MTPAP: variants seen among roughly 807,000 people sequenced by gnomAD.
MTPAP encodes the protein poly(A) RNA polymerase, mitochondrial.
Under a neutral mutation model 48.7 loss-of-function variants are expected in MTPAP, and 23 were observed. The ratio of observed to expected loss-of-function variants is 0.47; its 90% confidence interval spans 0.34 to 0.67. The LOEUF (loss-of-function observed/expected upper bound fraction) is 0.67. Among genes scored for constraint, MTPAP ranks in the 30% least tolerant of loss-of-function variants. MTPAP has a pLI of 0.01. For missense variants in MTPAP, 614 were observed against 694.3 expected (o/e 0.88, Z 1.30); for synonymous variants, 257 against 254.1 (o/e 1.01, Z -0.11).
At chr10:30,320,545 AT>A (rs1840711422) in intron 6 of MTPAP, among the ~76,000 whole-genome samples, 1 of 152,070 alleles carries the variant, frequency 6.6e-6, no homozygotes. Context: ...AATAAATAAA[AT>A]TTTTAAAAAA....
Position 30,340,392 on chromosome 10 carries a change from C to T in MTPAP, c.389G>A (p.Gly130Glu). 1 of 1,614,076 alleles carries T rather than the reference C, an allele frequency of 6.2e-7. No homozygotes were observed. Among genetic ancestry groups the T allele is most frequent in the South Asian group, 1.1e-5 (1 of 91,078 alleles). ...CATGGCCGTGCTTGGAGTATGAGTC[C>T]CATTCTGCAGTGAACCTATGCTTTC... ...QKESIGSLQNGTHTPSTAMET... is the reference protein window; with the variant it reads ...QKESIGSLQNETHTPSTAMET... Residue 130 changes from glycine (G) to glutamate (E), a missense_variant, in exon 3 of 9, where the codon GGG (glycine) becomes GAG (glutamate). Gly to Glu is a moderately conservative substitution (Grantham distance 98). Coordinates refer to ENST00000263063, the MANE Select transcript of MTPAP (RefSeq NM_018109.4).
At chr10:30,317,294 C>A (rs1452382345) in intron 6 of MTPAP, among the ~76,000 whole-genome samples, 1 of 152,154 alleles carries the variant, frequency 6.6e-6, no homozygotes, top group Non-Finnish European at 1.5e-5. Context: ...TACCTCTAGT[C>A]AATACTTAAT....
chr10:30,341,673 GCA>G, intron 1 of MTPAP, 33 bp from the exon 2 acceptor site: 1 of 1,609,066 alleles, frequency 6.2e-7, no homozygotes, highest in Non-Finnish European at 8.5e-7. Context: ...TCCACCACAC[GCA>G]CACACACAAA....
At chr10:30,323,344 T>A (rs1840747930) in intron 5 of MTPAP, among the ~76,000 whole-genome samples, 1 of 139,414 alleles carries the variant, frequency 7.2e-6, no homozygotes, top group African/African-American at 2.7e-5. Flanking sequence ...TCTAGCTACT[T>A]GGGGGGCTGA....
At chr10:30,343,915 A>G (rs765329134) in intron 1 of MTPAP, among the ~76,000 whole-genome samples, 8 of 152,192 alleles carry the variant, frequency 5.3e-5, no homozygotes, top group Non-Finnish European at 1.2e-4. Flanking sequence ...ATTCCCAATG[A>G]CAATTCTTTA....
At chr10:30,316,270 T>C in intron 6 of MTPAP, 60 bp from the exon 7 acceptor site, 1 of 1,254,142 alleles carries the variant, frequency 8.0e-7, no homozygotes, top group Non-Finnish European at 1.1e-6. Context: ...TGAGATGGAG[T>C]CTCACTCTGT....
rs149287185 is a variant in MTPAP at position 30,324,193 on chromosome 10, C to CAT, written c.993-1578_993-1577dup. Among the ~76,000 whole-genome samples, 1,062 of 145,112 alleles carry CAT rather than the reference C, an allele frequency of 7.3e-3. 12 individuals are homozygous for CAT. The highest frequency in any genetic ancestry group is 0.028 in the African/African-American group (995 of 35,320). On this transcript the variant is annotated intron_variant, in intron 5 of 8. Coordinates refer to ENST00000263063, the MANE Select transcript of MTPAP (RefSeq NM_018109.4). ...TAAGGCATCATCTCAAACACACACACATATATATATATAAAATCGATAAAG... is the reference window on the plus strand; with the variant it reads ...TAAGGCATCATCTCAAACACACACACATATATATATATATAAAATCGATAAAG...
chr10:30,317,275 T>C (rs1350699526), intron 6 of MTPAP, among the ~76,000 whole-genome samples: 1 of 152,180 alleles, frequency 6.6e-6, no homozygotes, highest in Non-Finnish European at 1.5e-5. Context: ...CCAAACCAAA[T>C]TTCAGCACTA....
At chr10:30,314,917 AAAAAG>A (rs1401667498) in intron 8 of MTPAP, among the ~76,000 whole-genome samples, 16 of 151,776 alleles carry the variant, frequency 1.1e-4, no homozygotes, top group South Asian at 4.1e-4. Context: ...AAGAGAAAAG[AAAAAG>A]AAAAGCTAAA....
intron 4 of MTPAP, among the ~76,000 whole-genome samples, chr10:30,336,176 T>C (rs1834728737): frequency 6.6e-6 from 1 of 152,048 alleles, no homozygotes; most frequent in East Asian, 1.9e-4. Flanking sequence ...TTATAAGAGA[T>C]ACACCCAAAC....
At chr10:30,327,521 A>C (rs1327469538) in intron 4 of MTPAP, among the ~76,000 whole-genome samples, 2 of 149,724 alleles carry the variant, frequency 1.3e-5, no homozygotes, top group African/African-American at 2.5e-5. Context: ...TAAATAAATA[A>C]ATAAATAAAT....
At chr10:30,340,561 T>C in intron 2 of MTPAP, 111 bp from the exon 3 acceptor site, 1 of 835,082 alleles carries the variant, frequency 1.2e-6, no homozygotes, top group South Asian at 1.4e-5. Context: ...ATCAAGTCTT[T>C]AAAATTTACA....
intron 6 of MTPAP, among the ~76,000 whole-genome samples, chr10:30,317,100 T>TA (rs1357233735): frequency 6.6e-6 from 1 of 152,118 alleles, no homozygotes; most frequent in East Asian, 1.9e-4. Context: ...AGTTATATTT[T>TA]AAAAAAAGAT....
intron 1 of MTPAP, among the ~76,000 whole-genome samples, 193 bp from the exon 2 acceptor site, chr10:30,341,833 C>T (rs1834811443): frequency 6.6e-6 from 1 of 152,190 alleles, no homozygotes; most frequent in Admixed American, 6.5e-5. Flanking sequence ...ATCCAAGATG[C>T]CTGTAAATGC....
intron 2 of MTPAP, among the ~76,000 whole-genome samples, chr10:30,341,205 T>C (rs573045973): frequency 6.6e-6 from 1 of 152,272 alleles, no homozygotes; most frequent in East Asian, 1.9e-4. Flanking sequence ...ATAGGCCACA[T>C]AGTTGGACCC....
At chr10:30,336,532 T>TTATTTGTGTTATTCACAAAGTCACA (rs1475428235) in intron 4 of MTPAP, among the ~76,000 whole-genome samples, 1 of 152,168 alleles carries the variant, frequency 6.6e-6, no homozygotes, top group Non-Finnish European at 1.5e-5. Context: ...ACACAATAGG[T>TTATTTGTGTTATTCACAAAGTCACA]AACTTTGACT....
intron 1 of MTPAP, among the ~76,000 whole-genome samples, chr10:30,348,537 G>A (rs1834896977): frequency 6.6e-6 from 1 of 152,154 alleles, no homozygotes. Flanking sequence ...ACACAAAGAA[G>A]CATATAAATG....
intron 6 of MTPAP, among the ~76,000 whole-genome samples, chr10:30,318,331 CTACTA>C (rs1840684410): frequency 6.6e-6 from 1 of 152,088 alleles, no homozygotes; most frequent in Non-Finnish European, 1.5e-5. Flanking sequence ...TTTACGTGCT[CTACTA>C]TACAATTTAT....
chr10:30,335,412 G>T (rs982279709), intron 4 of MTPAP, among the ~76,000 whole-genome samples: 2 of 152,132 alleles, frequency 1.3e-5, no homozygotes, highest in African/African-American at 4.8e-5. Flanking sequence ...TTTGAACTTG[G>T]AAGGCGGAAG....
Sources: gnomAD v4.1 joint callset for allele counts (sites outside exome capture counted in the v4.1 genomes callset) on GRCh38, gnomAD v4.1.1 for gene constraint, MANE v1.5 for transcripts, NCBI Gene and HGNC (gene_info 2026-07-23, HGNC 2026-07-21) for gene names.